EDAR: variants seen among roughly 807,000 people sequenced by gnomAD.
EDAR encodes tumor necrosis factor receptor superfamily member EDAR.
A neutral mutation model predicts 51.3 loss-of-function variants in EDAR; 38 were observed. The observed-to-expected ratio is 0.74, with a 90% CI of 0.57 to 0.97. The LOEUF is 0.97. EDAR is among the 50% of genes least tolerant of loss of function. The pLI, the probability that EDAR is intolerant of heterozygous loss-of-function variation, is 0.00. For missense variants in EDAR, 528 were observed against 595.0 expected (o/e 0.89, Z 1.17); for synonymous variants, 227 against 242.1 (o/e 0.94, Z 0.58).
At chr2:108,942,958 G>C (rs1014539413) in intron 1 of EDAR, among the ~76,000 whole-genome samples, 1 of 152,190 alleles carries the variant, frequency 6.6e-6, no homozygotes, top group Non-Finnish European at 1.5e-5. Context: ...TGCCTTCCCG[G>C]CCCCTTCGCT....
At position 108,930,979 on chromosome 2, in the gene EDAR, C is replaced by G; in HGVS notation, c.36G>C (p.Trp12Cys). The G allele has an allele frequency of 3.1e-6, 5 of 1,613,974 alleles. No homozygotes were observed. Among genetic ancestry groups the G allele is most frequent in the Non-Finnish European group, 4.2e-6 (5 of 1,180,034 alleles). The change falls in exon 2 of 12, where the codon TGG (tryptophan) becomes TGC (cysteine). Residue 12 changes from tryptophan to cysteine, a missense_variant. By Grantham distance (215) the Trp-to-Cys change is radical. Transcript: ENST00000258443. ...GACCACTTACCACCAGGACGGGGAG[C>G]CAGGGCGTCTGCGTGCAGTCCCCCA... ...AHVGDCTQTP[W>C]LPVLVVSLMC...
chr2:108,925,393 A>T (rs1458765240), intron 4 of EDAR, among the ~76,000 whole-genome samples: 1 of 152,216 alleles, frequency 6.6e-6, no homozygotes, highest in Non-Finnish European at 1.5e-5. Flanking sequence ...CCAAGGCTAC[A>T]CGGCGGATGC....
chr2:108,942,430 G>A (rs948754642), intron 1 of EDAR, among the ~76,000 whole-genome samples: 3 of 152,230 alleles, frequency 2.0e-5, no homozygotes, highest in Non-Finnish European at 4.4e-5. Flanking sequence ...GGGCCTGGGC[G>A]TGGATGCATG....
intron 1 of EDAR, among the ~76,000 whole-genome samples, chr2:108,972,254 C>T (rs566508630): frequency 2.0e-5 from 3 of 152,394 alleles, no homozygotes; most frequent in Admixed American, 2.0e-4. Context: ...CAGCCACACC[C>T]CTGTAAGAGA....
At chr2:108,966,428 G>A (rs992352369) in intron 1 of EDAR, among the ~76,000 whole-genome samples, 3 of 152,246 alleles carry the variant, frequency 2.0e-5, no homozygotes, top group Non-Finnish European at 4.4e-5. Flanking sequence ...CTCCTCTGGA[G>A]TGACTCCTCA....
rs961754977 is a variant in EDAR, at chr2:108,989,142, C to T, written c.-201G>A. ...CCTGGGACCTGGCACACCTCTCTGACACTAGCCCCGCTTCCTTTCCGTTTA... is the reference window on the plus strand; with the variant it reads ...CCTGGGACCTGGCACACCTCTCTGATACTAGCCCCGCTTCCTTTCCGTTTA... On this transcript the variant is annotated 5_prime_UTR_variant, in exon 1 of 12. Coordinates refer to ENST00000258443, the MANE Select transcript of EDAR (RefSeq NM_022336.4). The T allele has an allele frequency of 1.3e-5, 2 of 152,800 alleles. No homozygotes were observed. Among genetic ancestry groups the T allele is most frequent in the Non-Finnish European group, 2.9e-5 (2 of 68,146 alleles). 9.5% of individuals were successfully genotyped at this position (152,800 alleles called of 1,614,324 possible). A position where few individuals can be genotyped will look rare whatever the true frequency, so the allele number is the denominator to read the frequency against.
chr2:108,969,060 G>T (rs1698195747), intron 1 of EDAR, among the ~76,000 whole-genome samples: 1 of 152,180 alleles, frequency 6.6e-6, no homozygotes, highest in Non-Finnish European at 1.5e-5. Flanking sequence ...GGAGCTGAAT[G>T]AGTCCCTGAT....
At chr2:108,909,272 G>A (rs1306071536) in intron 9 of EDAR, among the ~76,000 whole-genome samples, 2 of 152,214 alleles carry the variant, frequency 1.3e-5, no homozygotes, top group Non-Finnish European at 1.5e-5. Context: ...GACAGAATGA[G>A]ATAAGGCTGG....
chr2:108,957,177 TG>T lies in EDAR; in HGVS notation c.-18-26146del, dbSNP rs1368137931. Among the ~76,000 whole-genome samples the T allele has an allele frequency of 2.6e-5, 4 of 152,360 alleles. No homozygotes were observed. In the South Asian group the frequency reaches 6.2e-4, roughly 24 times the overall value. ...TGAAATCTAAGTGAGGTAACTGGCC[TG>T]GGTGCCACTGACAACCAGTTCCAGC... On this transcript the variant is annotated intron_variant, in intron 1 of 11. Coordinates refer to ENST00000258443, the MANE Select transcript of EDAR (RefSeq NM_022336.4).
At chr2:108,974,254 C>T (rs371642986) in intron 1 of EDAR, among the ~76,000 whole-genome samples, 73 of 145,234 alleles carry the variant, frequency 5.0e-4, no homozygotes, top group East Asian at 3.4e-3. Context: ...GGCATGAACC[C>T]GGGAGGCGGA....
At chr2:108,916,486 A>C (rs1345084741) in intron 5 of EDAR, among the ~76,000 whole-genome samples, 3 of 152,170 alleles carry the variant, frequency 2.0e-5, no homozygotes, top group African/African-American at 7.2e-5. Flanking sequence ...CAATGCCTGC[A>C]GATGTGACAT....
chr2:108,948,213 CT>C (rs1389661196), intron 1 of EDAR, among the ~76,000 whole-genome samples: 1 of 152,230 alleles, frequency 6.6e-6, no homozygotes, highest in Admixed American at 6.5e-5. Flanking sequence ...CAATAAGTCC[CT>C]CATCTCCATC....
At chr2:108,904,552 G>A (rs564378862) in intron 11 of EDAR, among the ~76,000 whole-genome samples, 40 of 150,578 alleles carry the variant, frequency 2.7e-4, no homozygotes, top group African/African-American at 9.5e-4. Flanking sequence ...CCGTTAAGTG[G>A]AAATAACCCT....
intron 3 of EDAR, among the ~76,000 whole-genome samples, 184 bp from the exon 4 acceptor site, chr2:108,929,563 C>G (rs371746070): frequency 6.6e-6 from 1 of 152,224 alleles, no homozygotes; most frequent in East Asian, 1.9e-4. Flanking sequence ...CTGGGCTTGC[C>G]CCTCTCCTCG....
In EDAR at chr2:108,934,140, G is replaced by A. The variant is rs72836565; in HGVS notation, c.-18-3108C>T. Among the ~76,000 whole-genome samples, 594 of 152,308 alleles carry A rather than the reference G, an allele frequency of 3.9e-3. 2 individuals are homozygous for A. The highest frequency in any genetic ancestry group is 0.024 in the Middle Eastern group (7 of 294). ...TTAAAACGTTCCCAGGTAAACCCAA[G>A]CAGAGAGAAAAGAAAAATAGATACA... On this transcript the variant is annotated intron_variant, in intron 1 of 11. Transcript: ENST00000258443.
At chr2:108,936,836 G>T (rs992988860) in intron 1 of EDAR, among the ~76,000 whole-genome samples, 2 of 152,226 alleles carry the variant, frequency 1.3e-5, no homozygotes, top group Admixed American at 1.3e-4. Flanking sequence ...GGAGCAGGAG[G>T]AAAGCAGAGA....
chr2:108,911,163 T>G lies in EDAR; in HGVS notation c.530-91A>C, dbSNP rs1284270931. The stretch of plus-strand genomic sequence containing the variant: ...CTCCGGCCCCTGGAAGCAATGGCCC[T>G]GCCCCTGGGATGCTTTCAGGGAACC... On this transcript the variant is annotated intron_variant, in intron 6 of 11. Coordinates refer to ENST00000258443, the MANE Select transcript of EDAR (RefSeq NM_022336.4). 3.3e-6 allele frequency: 5 copies of G among 1,507,940 alleles called. No individual in the cohort carries two copies. In the African/African-American group the frequency reaches 6.9e-5, roughly 21 times the overall value. 93.4% of individuals were successfully genotyped at this position (1,507,940 alleles called of 1,614,324 possible).
chr2:108,949,701 A>T (rs998922112), intron 1 of EDAR, among the ~76,000 whole-genome samples: 3 of 152,178 alleles, frequency 2.0e-5, no homozygotes, highest in Non-Finnish European at 4.4e-5. Flanking sequence ...CAGAGAGGCC[A>T]CTGAACCCCA....
intron 1 of EDAR, among the ~76,000 whole-genome samples, chr2:108,951,876 C>G (rs1291125558): frequency 6.6e-6 from 1 of 152,144 alleles, no homozygotes; most frequent in Non-Finnish European, 1.5e-5. Flanking sequence ...ATGATCTTCC[C>G]AAGGTCTCTT....
Sources: gnomAD v4.1 joint callset for allele counts (sites outside exome capture counted in the v4.1 genomes callset) on GRCh38, gnomAD v4.1.1 for gene constraint, MANE v1.5 for transcripts, NCBI Gene and HGNC (gene_info 2026-07-23, HGNC 2026-07-21) for gene names.